SLC19A1: variants seen among roughly 807,000 people sequenced by gnomAD.
SLC19A1 encodes the protein reduced folate transporter.
A neutral mutation model predicts 35.3 loss-of-function variants in SLC19A1; 37 were observed. That is an observed-to-expected ratio of 1.05 (90% CI 0.81 to 1.38). SLC19A1 has a LOEUF of 1.38. Among genes scored for constraint, SLC19A1 ranks in the 40% most tolerant of loss-of-function variants. SLC19A1 has a pLI of 0.00. For missense variants in SLC19A1, 831 were observed against 826.9 expected (o/e 1.00, Z -0.06); for synonymous variants, 460 against 398.5 (o/e 1.15, Z -1.84).
Position 45,515,597 on chromosome 21 carries a change from G to C in SLC19A1, c.*61C>G. On this transcript the variant is annotated 3_prime_UTR_variant, in exon 6 of 6. Transcript: ENST00000311124. The stretch of plus-strand genomic sequence containing the variant: ...ATTGCTAAGGCAGGCGGCCCTCGAG[G>C]CAGGGGTCGTGGGGATGCACTGAGG... 1 of 1,604,374 alleles carries C rather than the reference G, an allele frequency of 6.2e-7. No homozygotes were observed. Among genetic ancestry groups the C allele is most frequent in the Non-Finnish European group, 8.5e-7 (1 of 1,178,156 alleles).
rs867071065 is a variant in SLC19A1 at position 45,515,097 on chromosome 21, G to A, written c.*561C>T. 7 of 1,544,538 alleles carry A rather than the reference G, an allele frequency of 4.5e-6. No individual in the cohort carries two copies. Among genetic ancestry groups the A allele is most frequent in the East Asian group, 2.5e-5 (1 of 40,758 alleles). On this transcript the variant is annotated 3_prime_UTR_variant, in exon 6 of 6. Coordinates refer to ENST00000311124, the MANE Select transcript of SLC19A1 (RefSeq NM_194255.4). ...CCCCTCTGATGACAATGTGTCTGCC[G>A]CCAACCTGAGATGGCTTTTCCACAG... is the stretch of plus-strand genomic sequence containing the variant.
At chr21:45,549,763 T>G (rs1314980608) in intron 1 of SLC19A1, among the ~76,000 whole-genome samples, 17 of 19,404 alleles carry the variant, frequency 8.8e-4, no homozygotes, top group Middle Eastern at 0.036. Context: ...TGGTTGGTGG[T>G]GGGGAGGGGG....
chr21:45,524,113 T>C (rs900139153), intron 5 of SLC19A1, among the ~76,000 whole-genome samples: 4 of 147,924 alleles, frequency 2.7e-5, no homozygotes, highest in Admixed American at 6.7e-5. Context: ...CGTTCACCCC[T>C]GGGCCTCGGA....
At chr21:45,503,891 T>C in intron 3 of SLC19A1, 2 of 961,936 alleles carry the variant, frequency 2.1e-6, no homozygotes, top group Non-Finnish European at 3.3e-6. Context: ...AAATACGCGA[T>C]CTCTACCGCG....
chr21:45,561,815 T>C (rs1421169432), intron 1 of SLC19A1, among the ~76,000 whole-genome samples: 1 of 150,174 alleles, frequency 6.7e-6, no homozygotes, highest in Non-Finnish European at 1.5e-5. Context: ...AAAGTGAAGG[T>C]GGGAACCTGC....
intron 5 of SLC19A1, among the ~76,000 whole-genome samples, chr21:45,519,480 TAAAACGATGG>T (rs1224961630): frequency 7.7e-6 from 1 of 129,222 alleles, no homozygotes; most frequent in Non-Finnish European, 1.6e-5. Flanking sequence ...AGGTTGAAAG[TAAAACGATGG>T]AAAAAGATGT....
In SLC19A1 at chr21:45,533,728, C is replaced by T. The variant is rs1282869520; in HGVS notation, c.190-1580G>A. Among the ~76,000 whole-genome samples the T allele has an allele frequency of 6.6e-6, 1 of 152,134 alleles. No individual in the cohort carries two copies. The highest frequency in any genetic ancestry group is 1.9e-4 in the East Asian group (1 of 5,182). ...TCGTGCTGCCCCAGGTGACCTCAGC[C>T]CCTGCCAGCCACACTTGGCAGGACC... On this transcript the variant is annotated intron_variant, in intron 2 of 5. Transcript: ENST00000311124. The surrounding 1 kb of genome is among the most constrained non-coding windows in gnomAD (Gnocchi z 4.5).
chr21:45,540,072 T>C lies in SLC19A1; in HGVS notation c.-49-2064A>G, dbSNP rs1035996098. ...CCTCGGCCTCACCTTCCATGCCTCC[T>C]CAGGGCCTGTCAACAGCTGGGAAGA... On this transcript the variant is annotated intron_variant, in intron 1 of 5. Transcript: ENST00000311124. This position sits in a 1 kb window ranked among gnomAD's most constrained non-coding sequence, Gnocchi z 5.5. 2.0e-5 allele frequency among the ~76,000 whole-genome samples: 3 copies of C among 152,072 alleles called. No homozygotes were observed. The highest frequency in any genetic ancestry group is 4.8e-5 in the African/African-American group (2 of 41,398).
intron 1 of SLC19A1, among the ~76,000 whole-genome samples, chr21:45,539,427 G>A (rs915393970): frequency 1.3e-5 from 2 of 152,256 alleles, no homozygotes; most frequent in African/African-American, 2.4e-5. Flanking sequence ...CCACAGGGCC[G>A]GCTTGGGAGG....
intron 3 of SLC19A1, among the ~76,000 whole-genome samples, chr21:45,503,646 GGA>G (rs1052151223): frequency 2.7e-5 from 3 of 111,632 alleles, no homozygotes; most frequent in Non-Finnish European, 5.3e-5. Context: ...TGGGGTGGGG[GGA>G]GGGGGGAGGG....
At chr21:45,511,305 T>G (rs1568955560), downstream of SLC19A1, 1 of 755,714 alleles carries the variant, frequency 1.3e-6, no homozygotes, top group East Asian at 2.7e-5. Flanking sequence ...ATCTGCAGTT[T>G]CCCCCCGAGT....
chr21:45,529,829 G>A (rs973509187), intron 4 of SLC19A1, among the ~76,000 whole-genome samples: 1 of 149,110 alleles, frequency 6.7e-6, no homozygotes, highest in South Asian at 2.1e-4. Context: ...TGAGTGTGTG[G>A]TGTGTCTGTG....
Position 45,512,626 on chromosome 21 carries a change from C to T in SLC19A1, c.*3032G>A, listed in dbSNP as rs1035485159. 1 of 590,700 alleles carries T rather than the reference C, an allele frequency of 1.7e-6. No individual in the cohort carries two copies. Among genetic ancestry groups the T allele is most frequent in the African/African-American group, 1.9e-5 (1 of 53,528 alleles). The allele number at this position is 590,700 out of a possible 1,614,324, so 36.6% of individuals were successfully genotyped here. On this transcript the variant is annotated 3_prime_UTR_variant, in exon 6 of 6. Coordinates refer to ENST00000311124, the MANE Select transcript of SLC19A1 (RefSeq NM_194255.4). Reference sequence around the variant, plus strand: ...CTGACATTCACCTGCCCCAACTCTCCCCTGACCTGTGAGCCCAGCTGGGTC... The same window carrying T: ...CTGACATTCACCTGCCCCAACTCTCTCCTGACCTGTGAGCCCAGCTGGGTC...
At chr21:45,542,267 G>A (rs965600360) in intron 1 of SLC19A1, 101 bp downstream of exon 1, 9 of 137,488 alleles carry the variant, frequency 6.5e-5, no homozygotes, top group African/African-American at 2.5e-4. Flanking sequence ...CACCTCACAG[G>A]GCCCTGCAAA....
At chr21:45,522,945 G>A (rs569593854) in intron 5 of SLC19A1, among the ~76,000 whole-genome samples, 19 of 152,320 alleles carry the variant, frequency 1.2e-4, no homozygotes, top group African/African-American at 4.3e-4. Flanking sequence ...ATGTGCTACA[G>A]AACTGTAAGA....
chr21:45,561,306 C>G (rs141269264), intron 1 of SLC19A1, among the ~76,000 whole-genome samples: 23 of 152,296 alleles, frequency 1.5e-4, no homozygotes, highest in Admixed American at 2.0e-4. Context: ...CAGTAACTTG[C>G]CATGCCATTC....
rs990090558 is a variant in SLC19A1, at chr21:45,533,072, G to A, written c.190-924C>T. On this transcript the variant is annotated intron_variant, in intron 2 of 5. Coordinates refer to ENST00000311124, the MANE Select transcript of SLC19A1 (RefSeq NM_194255.4). This position sits in a 1 kb window ranked among gnomAD's most constrained non-coding sequence, Gnocchi z 4.5. ...TCTTTAAGGCCAGACTCCAACCCAG[G>A]AGCAGGGAGGGGGGCAAACGCCCCT... Among the ~76,000 whole-genome samples, 4 of 152,186 alleles carry A rather than the reference G, an allele frequency of 2.6e-5. No individual in the cohort carries two copies. Among genetic ancestry groups the A allele is most frequent in the African/African-American group, 9.6e-5 (4 of 41,456 alleles).
Position 45,537,814 on chromosome 21 carries a change from G to T in SLC19A1, c.146C>A (p.Thr49Asn). 1 of 1,594,032 alleles carries T rather than the reference G, an allele frequency of 6.3e-7. No homozygotes were observed. The highest frequency in any genetic ancestry group is 8.5e-7 in the Non-Finnish European group (1 of 1,170,540). ...CTTGTCGGGCCCCAGGAGGTAGGGG[G>T]TGATGAAGCTCTCCCCTGGCCGTAT... ...AQIRPGESFITPYLLGPDKNF... is the reference protein window; with the variant it reads ...AQIRPGESFINPYLLGPDKNF... The change falls in exon 2 of 6, where the codon ACC becomes AAC. Residue 49 changes from threonine (T) to asparagine (N), a missense_variant. Thr to Asn is a moderately conservative substitution (Grantham distance 65, BLOSUM62 0). Coordinates refer to ENST00000311124, the MANE Select transcript of SLC19A1 (RefSeq NM_194255.4).
At chr21:45,506,400 G>C (rs2037207016) in intron 3 of SLC19A1, 2 of 328,102 alleles carry the variant, frequency 6.1e-6, no homozygotes, top group African/African-American at 4.3e-5. Context: ...TAAACACCAA[G>C]GTGGGATGAA....
Sources: gnomAD v4.1 joint callset for allele counts (sites outside exome capture counted in the v4.1 genomes callset) on GRCh38, gnomAD v4.1.1 for gene constraint, Gnocchi (gnomAD v3.1) non-coding constraint, MANE v1.5 for transcripts, NCBI Gene and HGNC (gene_info 2026-07-23, HGNC 2026-07-21) for gene names.